The following TLX1 variants were observed in gnomAD, a reference collection of about 807,000 sequenced individuals.
TLX1 encodes T cell leukemia homeobox 1.
In TLX1, 6 loss-of-function variants were observed where a neutral mutation model predicts 26.5. The ratio of observed to expected loss-of-function variants is 0.23; its 90% confidence interval spans 0.12 to 0.45. The LOEUF is 0.45. TLX1 is among the 20% of genes least tolerant of loss of function. TLX1 has a pLI of 0.99. For missense variants in TLX1, 418 were observed against 482.6 expected, an observed-to-expected ratio of 0.87 and a Z score of 1.25; for synonymous variants, 217 against 219.7, an observed-to-expected ratio of 0.99 and a Z score of 0.11.
chr10:101,132,099 C>T lies in TLX1; in HGVS notation c.558C>T (p.Asp186=). ...WMESNRRYTK[D]RFTGHPYQNR... Reference sequence around the variant, plus strand: ...AGAGTAACCGCAGATACACAAAGGACAGGTTCACAGGTGAGTCCGGCCCGC... The same window carrying T: ...AGAGTAACCGCAGATACACAAAGGATAGGTTCACAGGTGAGTCCGGCCCGC... Residue 186 remains aspartate (D), a synonymous_variant, in exon 1 of 3, where the codon GAC becomes GAT. Coordinates refer to ENST00000370196, the MANE Select transcript of TLX1 (RefSeq NM_005521.4). The surrounding 1 kb of genome is among the most constrained non-coding windows in gnomAD (Gnocchi z 4.1). 1 of 1,394,286 alleles carries T rather than the reference C, an allele frequency of 7.2e-7. No homozygotes were observed. The highest frequency in any genetic ancestry group is 9.3e-7 in the Non-Finnish European group (1 of 1,073,870). 86.4% of individuals were successfully genotyped at this position (1,394,286 alleles called of 1,614,324 possible). A position where few individuals can be genotyped will look rare whatever the true frequency, so the allele number is the denominator to read the frequency against.
In TLX1 at chr10:101,132,347, C is replaced by T. The variant is rs1369252758; in HGVS notation, c.568+238C>T. On this transcript the variant is annotated intron_variant, in intron 1 of 2. Transcript: ENST00000370196. The surrounding 1 kb of genome is among the most constrained non-coding windows in gnomAD (Gnocchi z 4.1). Reference sequence around the variant, plus strand: ...AGGACCCCTGCTCGGAGGAGCTCTCCCTGGTCCCCTCTCCGGATCCACTAG... The same window carrying T: ...AGGACCCCTGCTCGGAGGAGCTCTCTCTGGTCCCCTCTCCGGATCCACTAG... 6.6e-6 allele frequency among the ~76,000 whole-genome samples: 1 copy of T among 152,250 alleles called. No individual in the cohort carries two copies. The highest frequency in any genetic ancestry group is 2.4e-5 in the African/African-American group (1 of 41,470).
intron 2 of TLX1, 95 bp downstream of exon 2, chr10:101,134,471 G>A (rs1940247197): frequency 6.7e-6 from 9 of 1,340,950 alleles, no homozygotes; most frequent in Non-Finnish European, 4.0e-6. Context: ...TACTTTTTCC[G>A]CTCGCGGTTT....
intron 2 of TLX1, among the ~76,000 whole-genome samples, chr10:101,135,196 A>ACCCTCTGGCACGCTGCG (rs1940269375): frequency 8.5e-6 from 1 of 118,138 alleles, no homozygotes; most frequent in Non-Finnish European, 1.8e-5. Context: ...GGCACGCTGC[A>ACCCTCTGGCACGCTGCG]CCCTCCCGCA....
rs747040535 is a variant in TLX1 at position 101,136,784 on chromosome 10, A to T, written c.864A>T (p.Ala288=). Residue 288 remains alanine (A), a synonymous_variant, in exon 3 of 3, where the codon GCA becomes GCT. Coordinates refer to ENST00000370196, the MANE Select transcript of TLX1 (RefSeq NM_005521.4). ...LQQEAFQKSL[A]QPLPADPLCV... The stretch of plus-strand genomic sequence containing the variant: ...AGGAGGCCTTCCAGAAGAGCCTGGC[A>T]CAGCCGCTGCCCGCTGACCCTCTGT... The T allele has an allele frequency of 9.9e-6, 16 of 1,613,458 alleles. 1 individual carries two copies. In the South Asian group the frequency reaches 1.3e-4, roughly 13 times the overall value.
Position 101,132,699 on chromosome 10 carries a change from TG to T in TLX1, c.568+592del, listed in dbSNP as rs1286782393. ...GGAGAGCAGGCTTCATCTGGGAGGA[TG>T]GCAGCGGGGCTTAGCCGCCCAGGAC... On this transcript the variant is annotated intron_variant, in intron 1 of 2. Transcript: ENST00000370196. This position sits in a 1 kb window ranked among gnomAD's most constrained non-coding sequence, Gnocchi z 4.1. 1 of 151,304 alleles carries T rather than the reference TG, an allele frequency of 6.6e-6. No homozygotes were observed. Among genetic ancestry groups the T allele is most frequent in the Non-Finnish European group, 1.5e-5 (1 of 67,928 alleles). The allele number at this position is 151,304 out of a possible 1,614,324, so 9.4% of individuals were successfully genotyped here.
At chr10:101,134,150 C>G (rs1284105529) in intron 1 of TLX1, 25 bp from the exon 2 acceptor site, 1 of 1,572,600 alleles carries the variant, frequency 6.4e-7, no homozygotes, top group South Asian at 1.2e-5. Context: ...GGCCCTCTCA[C>G]CCTTCACTGT....
chr10:101,133,526 G>A (rs902428313), intron 1 of TLX1, among the ~76,000 whole-genome samples: 1 of 152,224 alleles, frequency 6.6e-6, no homozygotes, highest in African/African-American at 2.4e-5. Flanking sequence ...AAACCCAGCC[G>A]GGAGTCCACT....
In TLX1 at chr10:101,132,201, G is replaced by A; in HGVS notation, c.568+92G>A. 1 of 1,138,244 alleles carries A rather than the reference G, an allele frequency of 8.8e-7. No homozygotes were observed. The highest frequency in any genetic ancestry group is 1.1e-6 in the Non-Finnish European group (1 of 891,334). 70.5% of individuals were successfully genotyped at this position (1,138,244 alleles called of 1,614,324 possible). ...GGTGGCTCCCCAAAGCCGGTTCTGC[G>A]CTCCAGGTCGCCCAGCTCTTCTTGG... On this transcript the variant is annotated intron_variant, in intron 1 of 2. Coordinates refer to ENST00000370196, the MANE Select transcript of TLX1 (RefSeq NM_005521.4). The surrounding 1 kb of genome is among the most constrained non-coding windows in gnomAD (Gnocchi z 4.1).
Position 101,131,422 on chromosome 10 carries a change from T to G in TLX1, c.-120T>G. On this transcript the variant is annotated 5_prime_UTR_variant, in exon 1 of 3. Coordinates refer to ENST00000370196, the MANE Select transcript of TLX1 (RefSeq NM_005521.4). The stretch of plus-strand genomic sequence containing the variant: ...TTCTACTTTAGCCTTTCTGCGCACT[T>G]CGCTTCCAAGTCTCCGCGCAGCCAG... 1 of 730,996 alleles carries G rather than the reference T, an allele frequency of 1.4e-6. No individual in the cohort carries two copies. The highest frequency in any genetic ancestry group is 2.0e-6 in the Non-Finnish European group (1 of 509,412). 45.3% of individuals were successfully genotyped at this position (730,996 alleles called of 1,614,324 possible). A position where few individuals can be genotyped will look rare whatever the true frequency, so the allele number is the denominator to read the frequency against.
intron 2 of TLX1, among the ~76,000 whole-genome samples, chr10:101,136,364 TGCCATCCTACCCCG>T (rs1940294057): frequency 6.6e-6 from 1 of 152,150 alleles, no homozygotes; most frequent in Non-Finnish European, 1.5e-5. Flanking sequence ...GGAGGCGAGA[TGCCATCCTACCCCG>T]GCTGCCCCTT....
At chr10:101,136,530 C>T (rs751963233) in intron 2 of TLX1, 161 bp from the exon 3 acceptor site, 56 of 1,174,826 alleles carry the variant, frequency 4.8e-5, no homozygotes, top group Non-Finnish European at 6.3e-5. Flanking sequence ...AGTCAGGACT[C>T]TCAAAAGAAG....
chr10:101,134,734 G>T (rs550582526), intron 2 of TLX1, among the ~76,000 whole-genome samples: 2 of 152,320 alleles, frequency 1.3e-5, no homozygotes, highest in East Asian at 3.9e-4. Flanking sequence ...TTTTGTTTGC[G>T]CAAACTCTTG....
In TLX1 at chr10:101,131,880, TGGCGGC is replaced by T; in HGVS notation, c.349_354del (p.Gly117_Gly118del). 1 of 1,400,528 alleles carries T rather than the reference TGGCGGC, an allele frequency of 7.1e-7. No homozygotes were observed. Among genetic ancestry groups the T allele is most frequent in the Non-Finnish European group, 9.2e-7 (1 of 1,084,732 alleles). 86.8% of individuals were successfully genotyped at this position (1,400,528 alleles called of 1,614,324 possible). A position where few individuals can be genotyped will look rare whatever the true frequency, so the allele number is the denominator to read the frequency against. Reference sequence around the variant, plus strand: ...TGGCCTTGGCAGGCGGCCCCGGTCCTGGCGGCGGCGGCGGCAGCAGCGGCGGTGCCG... The same window carrying T: ...TGGCCTTGGCAGGCGGCCCCGGTCCTGGCGGCGGCAGCAGCGGCGGTGCCG... On this transcript the variant is annotated inframe_deletion, in exon 1 of 3. Transcript: ENST00000370196.
chr10:101,131,881 G>GGCA lies in TLX1; in HGVS notation c.342_343insAGC (p.Gly114_Gly115insSer). 7.2e-7 allele frequency: 1 copy of GGCA among 1,386,766 alleles called. No individual in the cohort carries two copies. 85.9% of individuals were successfully genotyped at this position (1,386,766 alleles called of 1,614,324 possible). On this transcript the variant is annotated inframe_insertion, in exon 1 of 3. Transcript: ENST00000370196. ...GGCCTTGGCAGGCGGCCCCGGTCCT[G>GGCA]GCGGCGGCGGCGGCAGCAGCGGCGG... is the stretch of plus-strand genomic sequence containing the variant.
At chr10:101,134,078 C>T (rs1940236029) in intron 1 of TLX1, 97 bp from the exon 2 acceptor site, 2 of 1,209,846 alleles carry the variant, frequency 1.7e-6, no homozygotes, top group Non-Finnish European at 2.3e-6. Flanking sequence ...GGGTGTTGGG[C>T]CTGGGACGCT....
chr10:101,132,137 T>G lies in TLX1; in HGVS notation c.568+28T>G, dbSNP rs759355068. 4.5e-6 allele frequency: 6 copies of G among 1,331,136 alleles called. No individual in the cohort carries two copies. The highest frequency in any genetic ancestry group is 5.8e-6 in the Non-Finnish European group (6 of 1,042,722). The allele number at this position is 1,331,136 out of a possible 1,614,324, so 82.5% of individuals were successfully genotyped here. On this transcript the variant is annotated intron_variant, in intron 1 of 2. Coordinates refer to ENST00000370196, the MANE Select transcript of TLX1 (RefSeq NM_005521.4). The surrounding 1 kb of genome is among the most constrained non-coding windows in gnomAD (Gnocchi z 4.1). ...GAGTCCGGCCCGCGCGCTCCCCGCC[T>G]GGCCGCGGCCCGGGCTCCGTGCTAC... is the stretch of plus-strand genomic sequence containing the variant.
In TLX1 at chr10:101,131,362, A is replaced by C; in HGVS notation, c.-180A>C. 2.3e-6 allele frequency: 1 copy of C among 432,808 alleles called. No individual in the cohort carries two copies. The highest frequency in any genetic ancestry group is 4.0e-6 in the Non-Finnish European group (1 of 250,314). 26.8% of individuals were successfully genotyped at this position (432,808 alleles called of 1,614,324 possible). On this transcript the variant is annotated 5_prime_UTR_variant, in exon 1 of 3. Transcript: ENST00000370196. ...GGGGAAGCAGAAGCCAGAGAGGGGA[A>C]GAATACGGCGCCCCCTCTCTCCCTC...
chr10:101,134,648 C>T (rs956471749), intron 2 of TLX1, among the ~76,000 whole-genome samples: 1 of 152,128 alleles, frequency 6.6e-6, no homozygotes, highest in Non-Finnish European at 1.5e-5. Flanking sequence ...AGGTCTATTC[C>T]GCCGCTTGGG....
intron 1 of TLX1, among the ~76,000 whole-genome samples, chr10:101,133,753 T>C (rs1440121157): frequency 6.6e-6 from 1 of 152,170 alleles, no homozygotes; most frequent in Non-Finnish European, 1.5e-5. Context: ...TGTGTGCTGC[T>C]GTGGATGGAG....
Sources: gnomAD v4.1 joint callset for allele counts (sites outside exome capture counted in the v4.1 genomes callset) on GRCh38, gnomAD v4.1.1 for gene constraint, Gnocchi (gnomAD v3.1) non-coding constraint, MANE v1.5 for transcripts, NCBI Gene and HGNC (gene_info 2026-07-23, HGNC 2026-07-21) for gene names.